NFIC: variants seen among roughly 807,000 people sequenced by gnomAD.
NFIC encodes the protein nuclear factor I C.
In NFIC, 12 loss-of-function variants were observed where a neutral mutation model predicts 54.4. The observed-to-expected ratio is 0.22, with a 90% CI of 0.14 to 0.36. The LOEUF is 0.36. Ranked by LOEUF, NFIC falls within the 10% of genes least tolerant of loss-of-function variation. The pLI is 1.00. For synonymous variants in NFIC, 322 were observed against 319.2 expected (o/e 1.01, Z -0.09); for missense variants, 575 against 718.2 (o/e 0.80, Z 2.28).
At chr19:3,444,151 G>A (rs1174036373) in intron 6 of NFIC, among the ~76,000 whole-genome samples, 3 of 140,038 alleles carry the variant, frequency 2.1e-5, no homozygotes, top group Non-Finnish European at 4.7e-5. Flanking sequence ...TGGCTGCTCC[G>A]ACGGGGTGAT....
chr19:3,451,423 A>T (rs2082460718), intron 7 of NFIC, among the ~76,000 whole-genome samples: 1 of 151,984 alleles, frequency 6.6e-6, no homozygotes, highest in Admixed American at 6.6e-5. Flanking sequence ...GCTTGAGTCC[A>T]GGAGTTTGAG....
intron 6 of NFIC, among the ~76,000 whole-genome samples, chr19:3,439,423 A>ACCTGAGG (rs2082258028): frequency 7.2e-6 from 1 of 138,134 alleles, no homozygotes; most frequent in Non-Finnish European, 1.5e-5. Context: ...CAGGCGGATC[A>ACCTGAGG]CCTGAGGTCA....
chr19:3,378,639 G>GCC (rs904771469), intron 1 of NFIC, among the ~76,000 whole-genome samples: 4 of 152,210 alleles, frequency 2.6e-5, no homozygotes, highest in African/African-American at 9.7e-5. Flanking sequence ...TGTTGTGACT[G>GCC]CCCTCAGACA....
intron 7 of NFIC, among the ~76,000 whole-genome samples, chr19:3,449,759 C>CAA (rs57195995): frequency 0.13 from 11,089 of 88,434 alleles, 1,089 homozygotes; most frequent in African/African-American, 0.31. Context: ...GATTCCATCT[C>CAA]AAAAAAAAAA....
At chr19:3,398,249 C>T (rs951938364) in intron 2 of NFIC, among the ~76,000 whole-genome samples, 9 of 152,118 alleles carry the variant, frequency 5.9e-5, no homozygotes, top group African/African-American at 4.8e-5. Flanking sequence ...AGGATTGAGT[C>T]GGTTCGTGGA....
At position 3,464,605 on chromosome 19, in the gene NFIC, C is replaced by A. The variant is rs2082691446; in HGVS notation, c.*1836C>A. On this transcript the variant is annotated 3_prime_UTR_variant, in exon 11 of 11. Transcript: ENST00000443272. ...CCACTGCCCCCTCCCCCGACCCAGGCCAAAGCCAGGGCAGGTCTCCGGGTC... is the reference window on the plus strand; with the variant it reads ...CCACTGCCCCCTCCCCCGACCCAGGACAAAGCCAGGGCAGGTCTCCGGGTC... 1 of 964,482 alleles carries A rather than the reference C, an allele frequency of 1.0e-6. No individual in the cohort carries two copies. The highest frequency in any genetic ancestry group is 1.2e-6 in the Non-Finnish European group (1 of 812,396). The allele number at this position is 964,482 out of a possible 1,614,324, so 59.7% of individuals were successfully genotyped here. A position where few individuals can be genotyped will look rare whatever the true frequency, so the allele number is the denominator to read the frequency against.
chr19:3,410,201 C>T (rs546266475), intron 2 of NFIC, among the ~76,000 whole-genome samples: 16 of 151,990 alleles, frequency 1.1e-4, no homozygotes, highest in Non-Finnish European at 1.6e-4. Flanking sequence ...CCACCACGCC[C>T]GGCTTTTTTT....
rs760304064 is a variant in NFIC at position 3,409,755 on chromosome 19, G to A, written c.563-15351G>A. Among the ~76,000 whole-genome samples, 75 of 152,206 alleles carry A rather than the reference G, an allele frequency of 4.9e-4. 2 individuals carry two copies. The highest frequency in any genetic ancestry group is 1.7e-3 in the African/African-American group (70 of 41,456). ...ACGGACAGGAGAGAACAGTGTGTCC[G>A]CCCCGTCAGTGCCATCCAGCGTGCG... On this transcript the variant is annotated intron_variant, in intron 2 of 10. Transcript: ENST00000443272.
Position 3,459,955 on chromosome 19 carries a change from G to C in NFIC, c.1510-2797G>C, listed in dbSNP as rs2082616294. ...TGGAGGGGTCTCCCCAGTTCCAGAG[G>C]CACAGCCCTCCCCTCACAGTCCACC... On this transcript the variant is annotated intron_variant, in intron 10 of 10. Transcript: ENST00000443272. The surrounding 1 kb of genome is among the most constrained non-coding windows in gnomAD (Gnocchi z 4.2). Among the ~76,000 whole-genome samples, 1 of 152,126 alleles carries C rather than the reference G, an allele frequency of 6.6e-6. No homozygotes were observed. The highest frequency in any genetic ancestry group is 1.5e-5 in the Non-Finnish European group (1 of 68,018).
At chr19:3,418,978 G>C (rs887935326) in intron 2 of NFIC, among the ~76,000 whole-genome samples, 1 of 152,186 alleles carries the variant, frequency 6.6e-6, no homozygotes, top group Non-Finnish European at 1.5e-5. Context: ...GGACACAGAA[G>C]GACAAATACT....
intron 5 of NFIC, 120 bp from the exon 6 acceptor site, chr19:3,434,953 CCGCGATGTCT>C (rs2082175436): frequency 1.3e-5 from 17 of 1,285,558 alleles, no homozygotes; most frequent in Non-Finnish European, 1.8e-5. Flanking sequence ...CCCGCGGCTC[CCGCGATGTCT>C]CGCGATACTA....
intron 3 of NFIC, among the ~76,000 whole-genome samples, chr19:3,433,077 G>T (rs145102552): frequency 1.1e-3 from 162 of 152,280 alleles, no homozygotes; most frequent in Non-Finnish European, 1.9e-3. Context: ...TGATCCTCCA[G>T]CCTCAGCCTC....
At chr19:3,441,883 C>T (rs558523421) in intron 6 of NFIC, among the ~76,000 whole-genome samples, 1 of 152,314 alleles carries the variant, frequency 6.6e-6, no homozygotes, top group East Asian at 1.9e-4. Context: ...TCCTCGGCAT[C>T]CTCCCCCCAC....
Position 3,463,857 on chromosome 19 carries a change from GCC to G in NFIC, c.*1095_*1096del. The G allele has an allele frequency of 1.1e-6, 1 of 878,126 alleles. No homozygotes were observed. The highest frequency in any genetic ancestry group is 1.3e-6 in the Non-Finnish European group (1 of 751,226). 54.4% of individuals were successfully genotyped at this position (878,126 alleles called of 1,614,324 possible). On this transcript the variant is annotated 3_prime_UTR_variant, in exon 11 of 11. Transcript: ENST00000443272. Reference sequence around the variant, plus strand: ...TTTAAGTGCCTGATTACCACCACCCGCCCCCCCCTTTGTCCAGCTGGGACACG... The same window carrying G: ...TTTAAGTGCCTGATTACCACCACCCGCCCCCCTTTGTCCAGCTGGGACACG...
chr19:3,403,712 C>T (rs1271344193), intron 2 of NFIC, among the ~76,000 whole-genome samples: 2 of 152,214 alleles, frequency 1.3e-5, no homozygotes, highest in African/African-American at 4.8e-5. Flanking sequence ...TTTGGCTGGG[C>T]CGCCAGCCTT....
intron 2 of NFIC, among the ~76,000 whole-genome samples, chr19:3,383,280 C>T (rs2081242647): frequency 6.6e-6 from 1 of 152,276 alleles, no homozygotes; most frequent in African/African-American, 2.4e-5. Context: ...ATGTTGAGAC[C>T]AGCTAGCTCT....
intron 2 of NFIC, among the ~76,000 whole-genome samples, 168 bp downstream of exon 2, chr19:3,382,411 C>T (rs1208365512): frequency 3.4e-5 from 5 of 148,202 alleles, no homozygotes; most frequent in Admixed American, 2.0e-4. Flanking sequence ...ACACGGGGCA[C>T]GGAGCATCTG....
chr19:3,441,699 G>A (rs1000928433), intron 6 of NFIC, among the ~76,000 whole-genome samples: 2 of 152,238 alleles, frequency 1.3e-5, no homozygotes, highest in African/African-American at 4.8e-5. Flanking sequence ...GGCACAGGAA[G>A]GGCCGGAGGG....
chr19:3,427,803 G>A (rs1357038793), intron 3 of NFIC, among the ~76,000 whole-genome samples: 5 of 123,956 alleles, frequency 4.0e-5, no homozygotes, highest in East Asian at 2.5e-4. Flanking sequence ...GCGACACAGC[G>A]AGACTCTGTC....
Sources: gnomAD v4.1 joint callset for allele counts (sites outside exome capture counted in the v4.1 genomes callset) on GRCh38, gnomAD v4.1.1 for gene constraint, Gnocchi (gnomAD v3.1) non-coding constraint, MANE v1.5 for transcripts, NCBI Gene and HGNC (gene_info 2026-07-23, HGNC 2026-07-21) for gene names.